PTPN9: variants seen among roughly 807,000 people sequenced by gnomAD.
PTPN9 encodes tyrosine-protein phosphatase non-receptor type 9.
A neutral mutation model predicts 69.8 loss-of-function variants in PTPN9; 26 were observed. The observed-to-expected ratio is 0.37, with a 90% CI of 0.27 to 0.52. The LOEUF is 0.52. Among genes scored for constraint, PTPN9 ranks in the 20% least tolerant of loss-of-function variants. The pLI is 0.91. For synonymous variants in PTPN9, 274 were observed against 272.5 expected, an observed-to-expected ratio of 1.01 and a Z score of -0.05; for missense variants, 549 against 740.3, an observed-to-expected ratio of 0.74 and a Z score of 3.00.
At chr15:75,576,336 A>C (rs1429007651) in intron 1 of PTPN9, among the ~76,000 whole-genome samples, 1 of 151,968 alleles carries the variant, frequency 6.6e-6, no homozygotes, top group Non-Finnish European at 1.5e-5. Flanking sequence ...GTATGATGAG[A>C]CTAGCCTGGC....
intron 1 of PTPN9, among the ~76,000 whole-genome samples, chr15:75,569,183 C>A (rs1454406954): frequency 1.3e-5 from 2 of 152,130 alleles, no homozygotes; most frequent in African/African-American, 2.4e-5. Context: ...GCTGATATTA[C>A]ACTAGAGGTT....
chr15:75,497,032 CTA>C (rs1306633432), intron 7 of PTPN9, among the ~76,000 whole-genome samples: 2 of 152,108 alleles, frequency 1.3e-5, no homozygotes, highest in African/African-American at 2.4e-5. Flanking sequence ...AAATAATACT[CTA>C]TATTGTTCAT....
At chr15:75,552,041 C>CAA in intron 1 of PTPN9, among the ~76,000 whole-genome samples, 1 of 101,336 alleles carries the variant, frequency 9.9e-6, no homozygotes, top group East Asian at 2.6e-4. Flanking sequence ...GACTCCATCT[C>CAA]AAAAAAAAAA....
chr15:75,515,827 G>A (rs1780223655), intron 5 of PTPN9, among the ~76,000 whole-genome samples: 1 of 151,966 alleles, frequency 6.6e-6, no homozygotes, highest in African/African-American at 2.4e-5. Context: ...GAACCGGGAG[G>A]TGGAGGTTGC....
At chr15:75,479,642 G>A (rs757883565) in intron 9 of PTPN9, among the ~76,000 whole-genome samples, 54 of 152,126 alleles carry the variant, frequency 3.5e-4, no homozygotes, top group Admixed American at 1.9e-3. Context: ...ATCTCTATGC[G>A]GTGAGTTTCC....
intron 9 of PTPN9, among the ~76,000 whole-genome samples, chr15:75,478,387 G>T (rs1159918955): frequency 6.6e-6 from 1 of 152,168 alleles, no homozygotes; most frequent in Non-Finnish European, 1.5e-5. Flanking sequence ...TTACAGGTGT[G>T]AGCCATTGTG....
At chr15:75,502,254 C>T (rs938000209) in intron 7 of PTPN9, among the ~76,000 whole-genome samples, 3 of 152,028 alleles carry the variant, frequency 2.0e-5, no homozygotes, top group Non-Finnish European at 4.4e-5. Flanking sequence ...CAAGATCAAC[C>T]TGGACAACAT....
intron 8 of PTPN9, among the ~76,000 whole-genome samples, chr15:75,488,592 A>C (rs2074691889): frequency 6.6e-6 from 1 of 150,838 alleles, no homozygotes; most frequent in South Asian, 2.1e-4. Context: ...GCCCAGGAAG[A>C]ACTTAGGCAA....
chr15:75,493,742 C>T (rs1021526362), intron 7 of PTPN9, among the ~76,000 whole-genome samples: 12 of 151,628 alleles, frequency 7.9e-5, no homozygotes, highest in African/African-American at 2.9e-4. Context: ...GCCTGGGCAA[C>T]AGAGCGAGAC....
intron 4 of PTPN9, among the ~76,000 whole-genome samples, chr15:75,521,457 A>G (rs936446788): frequency 6.7e-6 from 1 of 150,094 alleles, no homozygotes; most frequent in African/African-American, 2.4e-5. Context: ...GTCTCAAAGG[A>G]AAAAAAAAAT....
At chr15:75,505,336 C>T (rs911831930) in intron 7 of PTPN9, among the ~76,000 whole-genome samples, 1 of 149,778 alleles carries the variant, frequency 6.7e-6, no homozygotes, top group African/African-American at 2.5e-5. Flanking sequence ...GCCGCAGGGT[C>T]CTCTGCCTAG....
chr15:75,499,386 C>T (rs981538599), intron 7 of PTPN9, among the ~76,000 whole-genome samples: 1 of 145,510 alleles, frequency 6.9e-6, no homozygotes, highest in Non-Finnish European at 1.5e-5. Context: ...GGCAACAAGA[C>T]GATCTAAACC....
intron 1 of PTPN9, among the ~76,000 whole-genome samples, chr15:75,538,073 C>CG (rs879492877): frequency 0.019 from 2,877 of 151,910 alleles, 43 homozygotes; most frequent in Non-Finnish European, 0.031. Flanking sequence ...CAAAACAAAA[C>CG]AAAACAAAAC....
chr15:75,472,385 G>A (rs933223175), intron 10 of PTPN9, among the ~76,000 whole-genome samples: 3 of 151,972 alleles, frequency 2.0e-5, no homozygotes, highest in Non-Finnish European at 2.9e-5. Context: ...CGTGAACCCC[G>A]GTGGGGGCAG....
At chr15:75,550,489 T>G (rs1567518228) in intron 1 of PTPN9, among the ~76,000 whole-genome samples, 1 of 144,502 alleles carries the variant, frequency 6.9e-6, no homozygotes, top group Non-Finnish European at 1.5e-5. Context: ...TTAAAGGACA[T>G]AAAAAATAAA....
chr15:75,475,896 T>C (rs1330995499), intron 9 of PTPN9, among the ~76,000 whole-genome samples: 1 of 151,980 alleles, frequency 6.6e-6, no homozygotes, highest in Non-Finnish European at 1.5e-5. Context: ...CCCAGCACTT[T>C]GGGAGGATGA....
chr15:75,526,052 A>G (rs1875445309), intron 2 of PTPN9, among the ~76,000 whole-genome samples: 1 of 151,144 alleles, frequency 6.6e-6, no homozygotes, highest in African/African-American at 2.4e-5. Context: ...CTGGAATGCA[A>G]TGGTGTGATC....
At chr15:75,507,731 C>T (rs1174871794) in intron 6 of PTPN9, among the ~76,000 whole-genome samples, 1 of 151,458 alleles carries the variant, frequency 6.6e-6, no homozygotes, top group African/African-American at 2.4e-5. Context: ...CGCTTCACTG[C>T]ACTCCAGCCT....
At chr15:75,486,986 C>T (rs113857922) in intron 8 of PTPN9, among the ~76,000 whole-genome samples, 85 of 151,880 alleles carry the variant, frequency 5.6e-4, no homozygotes, top group African/African-American at 1.9e-3. Context: ...GGGGTTTCAC[C>T]GTGTTAGCCA....
Sources: allele counts gnomAD v4.1 joint callset (sites outside exome capture counted in the v4.1 genomes callset), GRCh38; gene constraint gnomAD v4.1.1; transcripts MANE v1.5; gene names NCBI Gene and HGNC (gene_info 2026-07-23, HGNC 2026-07-21).